The following NFE2L1 variants were observed in gnomAD, a reference collection of about 807,000 sequenced individuals.
The protein encoded by NFE2L1 is endoplasmic reticulum membrane sensor NFE2L1.
NFE2L1 carries 18 observed loss-of-function variants against 61.6 expected under a neutral mutation model. That is an observed-to-expected ratio of 0.29 (90% confidence interval 0.20 to 0.43). The LOEUF (loss-of-function observed/expected upper bound fraction) is 0.43. Among genes scored for constraint, NFE2L1 ranks in the 20% least tolerant of loss-of-function variants. The probability of loss-of-function intolerance (pLI) is 1.00; values close to 1 mark genes in which losing one functional copy is unlikely to be tolerated. For synonymous variants in NFE2L1, 419 were observed against 402.7 expected, an observed-to-expected ratio of 1.04 and a Z score of -0.48; for missense variants, 827 against 973.5, an observed-to-expected ratio of 0.85 and a Z score of 2.00.
intron 1 of NFE2L1, chr17:48,049,128 G>C (rs1473758048): frequency 6.7e-6 from 1 of 150,360 alleles, no homozygotes; most frequent in Non-Finnish European, 1.5e-5. Context: ...AATGAAGTTG[G>C]TAGATGGGTC....
intron 1 of NFE2L1, among the ~76,000 whole-genome samples, chr17:48,049,624 C>T (rs2037194965): frequency 6.6e-6 from 1 of 152,232 alleles, no homozygotes; most frequent in Non-Finnish European, 1.5e-5. Flanking sequence ...AACTCCCGAC[C>T]TCGGGTGATC....
chr17:48,058,547 G>T lies in NFE2L1; in HGVS notation c.1225G>T (p.Gly409Cys). Residue 409 changes from glycine to cysteine, a missense_variant, in exon 6 of 6, where the codon GGC (glycine) becomes TGC (cysteine). Coordinates refer to ENST00000362042, the MANE Select transcript of NFE2L1 (RefSeq NM_003204.3). ...SNSTSLNSTFGSTNLTGLFFP... is the reference protein window; with the variant it reads ...SNSTSLNSTFCSTNLTGLFFP... ...TTCTACCAGCCTCAACTCCACCTTC[G>T]GCTCCACCAACCTGACAGGGCTCTT... The T allele has an allele frequency of 6.2e-7, 1 of 1,613,490 alleles. No homozygotes were observed. The highest frequency in any genetic ancestry group is 8.5e-7 in the Non-Finnish European group (1 of 1,179,636).
rs1445245328 is a variant in NFE2L1, at chr17:48,058,584, A to C, written c.1262A>C (p.Gln421Pro). 1.2e-6 allele frequency: 2 copies of C among 1,613,738 alleles called. No individual in the cohort carries two copies. The highest frequency in any genetic ancestry group is 2.2e-5 in the South Asian group (2 of 91,054). ...TNLTGLFFPP[Q>P]LNGTANDTAG... The stretch of plus-strand genomic sequence containing the variant: ...CTGACAGGGCTCTTCTTTCCACCCC[A>C]GCTCAATGGCACAGCCAATGACACA... Residue 421 changes from glutamine to proline, a missense_variant, in exon 6 of 6, where the codon CAG (glutamine) becomes CCG (proline). By Grantham distance (76) the Gln-to-Pro change is moderately conservative. Around this residue, in one of 3 missense-constraint regions of NFE2L1, gnomAD observed 667 missense variants for 748.4 expected, o/e 0.89. Transcript: ENST00000362042.
In NFE2L1 at chr17:48,059,926, G is replaced by A. The variant is rs1598295938; in HGVS notation, c.*285G>A. 1.3e-5 allele frequency: 5 copies of A among 392,870 alleles called. No individual in the cohort carries two copies. The East Asian group carries it at 2.0e-4, about 16-fold the overall frequency. The allele number at this position is 392,870 out of a possible 1,614,324, so 24.3% of individuals were successfully genotyped here. A position where few individuals can be genotyped will look rare whatever the true frequency, so the allele number is the denominator to read the frequency against. ...TGGTGGAGTTGCTGGAGGTAGAGGA[G>A]CTATGTGGAGCAAAGGCCGACAGAG... On this transcript the variant is annotated 3_prime_UTR_variant, in exon 6 of 6. Coordinates refer to ENST00000362042, the MANE Select transcript of NFE2L1 (RefSeq NM_003204.3). This position sits in a 1 kb window ranked among gnomAD's most constrained non-coding sequence, Gnocchi z 6.1.
chr17:48,059,139 TC>T lies in NFE2L1; in HGVS notation c.1819del (p.Leu607TrpfsTer5). 1 of 1,613,580 alleles carries T rather than the reference TC, an allele frequency of 6.2e-7. No individual in the cohort carries two copies. Among genetic ancestry groups the T allele is most frequent in the Non-Finnish European group, 8.5e-7 (1 of 1,179,922 alleles). The stretch of plus-strand genomic sequence containing the variant: ...GGCAGCAAGGAGAAGCAGGCTGACT[TC>T]CTGGACAAGCAGATGAGCCGGGATG... Reference protein sequence around the residue: ...KKGSKEKQADFLDKQMSRDEH... With the variant: ...KKGSKEKQADXLDKQMSRDEH... On this transcript the variant is annotated frameshift_variant, in exon 6 of 6. Transcript: ENST00000362042. LOFTEE classifies it high-confidence loss of function. The surrounding 1 kb of genome is among the most constrained non-coding windows in gnomAD (Gnocchi z 6.1).
chr17:48,052,301 A>G (rs958798056), intron 2 of NFE2L1, among the ~76,000 whole-genome samples: 2 of 152,218 alleles, frequency 1.3e-5, no homozygotes, highest in Non-Finnish European at 2.9e-5. Flanking sequence ...CATGGCTGAC[A>G]TACTGTTCTG....
chr17:48,058,283 C>CT lies in NFE2L1; in HGVS notation c.973-11dup, dbSNP rs548691565. 8.1e-5 allele frequency: 125 copies of CT among 1,550,608 alleles called. No homozygotes were observed. In the East Asian group the frequency reaches 2.1e-3, roughly 26 times the overall value. ...GTTCCTAGTGAACAGTGGTGCTCTT[C>CT]TCCCCTCCCAGGCCATGGAAGTGAA... On this transcript the variant is annotated splice_polypyrimidine_tract_variant and intron_variant, in intron 5 of 5. Transcript: ENST00000362042.
chr17:48,048,837 A>G, intron 1 of NFE2L1: 2 of 152,754 alleles, frequency 1.3e-5, no homozygotes, highest in East Asian at 3.8e-4. Flanking sequence ...GAGAGTGGGC[A>G]TGGCGACTTG....
rs1318393922 is a variant in NFE2L1, at chr17:48,059,435, C to T, written c.2113C>T (p.Arg705Cys). Residue 705 changes from arginine to cysteine, a missense_variant, in exon 6 of 6, where the codon CGC becomes TGC. By Grantham distance (180) the Arg-to-Cys change is radical (BLOSUM62 -3). Transcript: ENST00000362042. This position sits in a 1 kb window ranked among gnomAD's most constrained non-coding sequence, Gnocchi z 6.1. Reference protein sequence around the residue: ...RLLREKVEFLRSLRQMKQKVQ... With the variant: ...RLLREKVEFLCSLRQMKQKVQ... ...GCTGCGGGAGAAAGTGGAGTTCCTG[C>T]GCTCCCTGCGACAGATGAAGCAGAA... is the stretch of plus-strand genomic sequence containing the variant. The T allele has an allele frequency of 2.5e-6, 4 of 1,614,168 alleles. No individual in the cohort carries two copies. Among genetic ancestry groups the T allele is most frequent in the South Asian group, 1.1e-5 (1 of 91,084 alleles).
In NFE2L1 at chr17:48,059,761, C is replaced by T; in HGVS notation, c.*120C>T. 7.2e-7 allele frequency: 1 copy of T among 1,380,642 alleles called. No homozygotes were observed. Among genetic ancestry groups the T allele is most frequent in the South Asian group, 1.5e-5 (1 of 65,822 alleles). The allele number at this position is 1,380,642 out of a possible 1,614,324, so 85.5% of individuals were successfully genotyped here. A position where few individuals can be genotyped will look rare whatever the true frequency, so the allele number is the denominator to read the frequency against. The stretch of plus-strand genomic sequence containing the variant: ...TGCCTTCTTATCCAATATATCTTCT[C>T]AGATGGGATGACTGCGGGTCAGTGT... On this transcript the variant is annotated 3_prime_UTR_variant, in exon 6 of 6. Coordinates refer to ENST00000362042, the MANE Select transcript of NFE2L1 (RefSeq NM_003204.3). This position sits in a 1 kb window ranked among gnomAD's most constrained non-coding sequence, Gnocchi z 6.1.
In NFE2L1 at chr17:48,058,510, G is replaced by T; in HGVS notation, c.1188G>T (p.Leu396Phe). 6.2e-7 allele frequency: 1 copy of T among 1,613,132 alleles called. No homozygotes were observed. Among genetic ancestry groups the T allele is most frequent in the Non-Finnish European group, 8.5e-7 (1 of 1,179,406 alleles). The change falls in exon 6 of 6, where the codon TTG (leucine) becomes TTT (phenylalanine). Residue 396 changes from leucine to phenylalanine, a missense_variant. By Grantham distance (22) the Leu-to-Phe change is conservative. Around this residue, in one of 3 missense-constraint regions of NFE2L1, gnomAD observed 667 missense variants for 748.4 expected, o/e 0.89. Coordinates refer to ENST00000362042, the MANE Select transcript of NFE2L1 (RefSeq NM_003204.3). ...CCAGTAGCTCCACGCTGCTCCCGTT[G>T]GCCCCCAGCAATTCTACCAGCCTCA... ...PVASSSTLLP[L>F]APSNSTSLNS...
chr17:48,050,178 C>G (rs896926807), intron 1 of NFE2L1, among the ~76,000 whole-genome samples: 7 of 152,120 alleles, frequency 4.6e-5, no homozygotes, highest in African/African-American at 1.7e-4. Context: ...GTCCTTTCTT[C>G]CTGTAAAAGT....
intron 2 of NFE2L1, chr17:48,054,955 A>G: frequency 6.9e-7 from 1 of 1,453,016 alleles, no homozygotes; most frequent in Non-Finnish European, 9.0e-7. Context: ...GAAAGCCAAG[A>G]GCTCCTTGCA....
At chr17:48,058,141 G>A (rs1421019948) in intron 5 of NFE2L1, among the ~76,000 whole-genome samples, 154 bp from the exon 6 acceptor site, 1 of 152,214 alleles carries the variant, frequency 6.6e-6, no homozygotes, top group East Asian at 1.9e-4. Flanking sequence ...CCTGGTGGAC[G>A]AAGCTGGGTC....
Position 48,050,985 on chromosome 17 carries a change from T to C in NFE2L1, c.-134T>C. 3.7e-6 allele frequency: 4 copies of C among 1,088,152 alleles called. No homozygotes were observed. Among genetic ancestry groups the C allele is most frequent in the South Asian group, 1.4e-5 (1 of 69,260 alleles). The allele number at this position is 1,088,152 out of a possible 1,614,324, so 67.4% of individuals were successfully genotyped here. A position where few individuals can be genotyped will look rare whatever the true frequency, so the allele number is the denominator to read the frequency against. ...GCCGTCAGGGAGCTCATCCCTTGTGTTCTGCCAGGGTGGGGTACGGGGTTT... is the reference window on the plus strand; with the variant it reads ...GCCGTCAGGGAGCTCATCCCTTGTGCTCTGCCAGGGTGGGGTACGGGGTTT... On this transcript the variant is annotated 5_prime_UTR_variant, in exon 2 of 6. Coordinates refer to ENST00000362042, the MANE Select transcript of NFE2L1 (RefSeq NM_003204.3).
intron 2 of NFE2L1, among the ~76,000 whole-genome samples, chr17:48,054,124 G>C (rs890931088): frequency 4.6e-5 from 7 of 152,152 alleles, no homozygotes; most frequent in Admixed American, 2.0e-4. Context: ...CTGAGGAATG[G>C]GATAACTCTT....
Position 48,059,746 on chromosome 17 carries a change from T to C in NFE2L1, c.*105T>C. The stretch of plus-strand genomic sequence containing the variant: ...CAGCGGGGACTTAAATGCCTTCTTA[T>C]CCAATATATCTTCTCAGATGGGATG... On this transcript the variant is annotated 3_prime_UTR_variant, in exon 6 of 6. Coordinates refer to ENST00000362042, the MANE Select transcript of NFE2L1 (RefSeq NM_003204.3). This position sits in a 1 kb window ranked among gnomAD's most constrained non-coding sequence, Gnocchi z 6.1. 7.0e-7 allele frequency: 1 copy of C among 1,425,178 alleles called. No individual in the cohort carries two copies. The highest frequency in any genetic ancestry group is 9.2e-7 in the Non-Finnish European group (1 of 1,083,656). 88.3% of individuals were successfully genotyped at this position (1,425,178 alleles called of 1,614,324 possible).
Position 48,061,225 on chromosome 17 carries a change from AC to A in NFE2L1, c.*1588del. On this transcript the variant is annotated 3_prime_UTR_variant, in exon 6 of 6. Coordinates refer to ENST00000362042, the MANE Select transcript of NFE2L1 (RefSeq NM_003204.3). ...TTAACTGTTTGCCACTGCTGCCCTC[AC>A]CCCTGCCCGGCTCTGGAGTACCGTC... 6.6e-6 allele frequency: 1 copy of A among 151,524 alleles called. No individual in the cohort carries two copies. The highest frequency in any genetic ancestry group is 1.9e-4 in the East Asian group (1 of 5,168). 9.4% of individuals were successfully genotyped at this position (151,524 alleles called of 1,614,324 possible).
chr17:48,050,948 C>A lies in NFE2L1; in HGVS notation c.-171C>A. 2 of 741,500 alleles carry A rather than the reference C, an allele frequency of 2.7e-6. No individual in the cohort carries two copies. The highest frequency in any genetic ancestry group is 4.4e-6 in the Non-Finnish European group (2 of 450,900). The allele number at this position is 741,500 out of a possible 1,614,324, so 45.9% of individuals were successfully genotyped here. On this transcript the variant is annotated 5_prime_UTR_variant, in exon 2 of 6. The change creates a premature stop within an existing upstream ORF in the 5' untranslated region. Coordinates refer to ENST00000362042, the MANE Select transcript of NFE2L1 (RefSeq NM_003204.3). ...CTTGGCCTTGGCTCCACAGGGTGTGCTTTCCTCTGGGGCCGTCAGGGAGCT... is the reference window on the plus strand; with the variant it reads ...CTTGGCCTTGGCTCCACAGGGTGTGATTTCCTCTGGGGCCGTCAGGGAGCT...
Sources: allele counts gnomAD v4.1 joint callset (sites outside exome capture counted in the v4.1 genomes callset), GRCh38; gene constraint gnomAD v4.1.1; regional missense constraint gnomAD v4.1.1; non-coding constraint Gnocchi (gnomAD v3.1); transcripts MANE v1.5; gene names NCBI Gene and HGNC (gene_info 2026-07-23, HGNC 2026-07-21).